Variants in TGFBR3 observed in about 807,000 individuals in gnomAD.
The protein encoded by TGFBR3 is transforming growth factor beta receptor 3.
TGFBR3 carries 46 observed loss-of-function variants against 87.9 expected under a neutral mutation model. The ratio of observed to expected loss-of-function variants is 0.52; its 90% CI spans 0.41 to 0.67. The LOEUF (loss-of-function observed/expected upper bound fraction) is 0.67, where lower values mean the gene tolerates loss of function less well. Ranked by LOEUF, TGFBR3 falls within the 30% of genes least tolerant of loss-of-function variation. The pLI, the probability that TGFBR3 is intolerant of heterozygous loss-of-function variation, is 0.00. For synonymous variants in TGFBR3, 381 were observed against 391.6 expected (o/e 0.97, Z 0.32); for missense variants, 866 against 1,041.9 (o/e 0.83, Z 2.32).
chr1:91,733,469 C>G (rs909581588), intron 5 of TGFBR3, among the ~76,000 whole-genome samples: 1 of 152,330 alleles, frequency 6.6e-6, no homozygotes. Flanking sequence ...CCGACGTCCA[C>G]GTCCACCTTT....
chr1:91,729,030 G>GCACA (rs1672650483), intron 6 of TGFBR3, among the ~76,000 whole-genome samples: 3 of 102,572 alleles, frequency 2.9e-5, no homozygotes, highest in Non-Finnish European at 3.9e-5. Context: ...GGCCACTCCA[G>GCACA]CATACACACA....
At chr1:91,783,821 A>T (rs565175391) in intron 3 of TGFBR3, among the ~76,000 whole-genome samples, 1 of 152,218 alleles carries the variant, frequency 6.6e-6, no homozygotes, top group Non-Finnish European at 1.5e-5. Context: ...ATCAAGTTAT[A>T]AGGTATTTAA....
chr1:91,795,689 G>T (rs1675356004), intron 3 of TGFBR3, among the ~76,000 whole-genome samples: 1 of 152,166 alleles, frequency 6.6e-6, no homozygotes, highest in Non-Finnish European at 1.5e-5. Flanking sequence ...AATTGCTGGA[G>T]TCAGCAACGC....
intron 14 of TGFBR3, among the ~76,000 whole-genome samples, chr1:91,704,888 G>A (rs1371864809): frequency 6.6e-6 from 1 of 152,230 alleles, no homozygotes; most frequent in African/African-American, 2.4e-5. Context: ...AAACACTAAA[G>A]TATGTCAATG....
At chr1:91,769,828 T>C (rs377737404) in intron 3 of TGFBR3, among the ~76,000 whole-genome samples, 2 of 152,090 alleles carry the variant, frequency 1.3e-5, no homozygotes, top group Non-Finnish European at 2.9e-5. Flanking sequence ...GGGAGTTTCA[T>C]GGAAGGCTAA....
upstream of TGFBR3, among the ~76,000 whole-genome samples, chr1:91,888,676 T>C (rs755927073): frequency 1.3e-5 from 2 of 152,132 alleles, no homozygotes; most frequent in Non-Finnish European, 2.9e-5. Flanking sequence ...CACTCTAGCC[T>C]GGACAAGAGC....
At chr1:91,817,320 A>G (rs879902819) in intron 2 of TGFBR3, among the ~76,000 whole-genome samples, 2 of 152,248 alleles carry the variant, frequency 1.3e-5, no homozygotes, top group Non-Finnish European at 2.9e-5. Flanking sequence ...AAATGTTAAT[A>G]TTACACATAT....
At chr1:91,756,805 T>C (rs1242615068) in intron 4 of TGFBR3, among the ~76,000 whole-genome samples, 1 of 152,206 alleles carries the variant, frequency 6.6e-6, no homozygotes, top group Non-Finnish European at 1.5e-5. Context: ...TATACCCTTT[T>C]AACTAGATTC....
chr1:91,683,010 T>C lies in TGFBR3; in HGVS notation c.*729A>G, dbSNP rs186509687. 3.6e-4 allele frequency: 163 copies of C among 454,534 alleles called. 2 individuals are homozygous for C. The highest frequency in any genetic ancestry group is 2.6e-3 in the African/African-American group (131 of 50,116). 28.2% of individuals were successfully genotyped at this position (454,534 alleles called of 1,614,324 possible). A position where few individuals can be genotyped will look rare whatever the true frequency, so the allele number is the denominator to read the frequency against. On this transcript the variant is annotated 3_prime_UTR_variant, in exon 17 of 17. Transcript: ENST00000212355. ...TCAATTTCTGTAGGCCTGTAAGAAATACAAAATTTGCATTAAGACATTTTG... is the reference window on the plus strand; with the variant it reads ...TCAATTTCTGTAGGCCTGTAAGAAACACAAAATTTGCATTAAGACATTTTG...
chr1:91,890,450 C>T (rs1175316663), upstream of TGFBR3, among the ~76,000 whole-genome samples: 5 of 94,478 alleles, frequency 5.3e-5, no homozygotes, highest in South Asian at 3.6e-4. Flanking sequence ...ACACAGTTTC[C>T]GTCTTGTTGC....
chr1:91,890,570 C>T (rs1679423887), upstream of TGFBR3, among the ~76,000 whole-genome samples: 1 of 151,742 alleles, frequency 6.6e-6, no homozygotes, highest in African/African-American at 2.4e-5. Context: ...AAGGCACACG[C>T]CACCACGCCC....
In TGFBR3 at chr1:91,818,277, C is replaced by CTTTTTTTTTTTTTTTTTTTTTT. The variant is rs1557726893; in HGVS notation, c.62-20807_62-20806insAAAAAAAAAAAAAAAAAAAAAA. 4.1e-5 allele frequency among the ~76,000 whole-genome samples: 5 copies of CTTTTTTTTTTTTTTTTTTTTTT among 123,142 alleles called. 2 individuals are homozygous for CTTTTTTTTTTTTTTTTTTTTTT. Among genetic ancestry groups the CTTTTTTTTTTTTTTTTTTTTTT allele is most frequent in the Admixed American group, 1.8e-4 (2 of 11,008 alleles). 80.8% of individuals were successfully genotyped at this position (123,142 alleles called of 152,430 possible). ...CTGCACCATTTCCCCTTAGCCCCAG[C>CTTTTTTTTTTTTTTTTTTTTTT]CTTTTTTTTTTTTTTTTTTTTTTTT... is the stretch of plus-strand genomic sequence containing the variant. On this transcript the variant is annotated intron_variant, in intron 2 of 16. Coordinates refer to ENST00000212355, the MANE Select transcript of TGFBR3 (RefSeq NM_003243.5).
chr1:91,838,616 A>G (rs2046738), intron 2 of TGFBR3, among the ~76,000 whole-genome samples: 113,199 of 150,318 alleles, frequency 0.75, 43,568 homozygotes, highest in East Asian at 0.96. Context: ...CCGTCATCAC[A>G]CCCGACTAAT....
At chr1:91,883,268 G>A (rs984409411) in intron 1 of TGFBR3, among the ~76,000 whole-genome samples, 1 of 152,046 alleles carries the variant, frequency 6.6e-6, no homozygotes, top group Non-Finnish European at 1.5e-5. Context: ...GCCTCCCAAA[G>A]TGTTGGAATT....
intron 15 of TGFBR3, 103 bp from the exon 16 acceptor site, chr1:91,695,882 T>A: frequency 1.0e-6 from 1 of 974,156 alleles, no homozygotes; most frequent in Non-Finnish European, 1.6e-6. Context: ...GGTTGAGCAC[T>A]AATAAAATCG....
chr1:91,795,165 G>T (rs559897842), intron 3 of TGFBR3, among the ~76,000 whole-genome samples: 1 of 152,284 alleles, frequency 6.6e-6, no homozygotes, highest in Non-Finnish European at 1.5e-5. Flanking sequence ...CCAAAAATCA[G>T]TTATCCCAAA....
In TGFBR3 at chr1:91,734,977, G is replaced by A; in HGVS notation, c.385-18C>T. On this transcript the variant is annotated intron_variant, in intron 4 of 16. Transcript: ENST00000212355. ...TCAGACACCTAGAGGAAAGAGAATT[G>A]CGTATTTAACATGGTGCAGTCACCG... 6.2e-7 allele frequency: 1 copy of A among 1,613,930 alleles called. No individual in the cohort carries two copies. The highest frequency in any genetic ancestry group is 8.5e-7 in the Non-Finnish European group (1 of 1,179,870).
intron 1 of TGFBR3, among the ~76,000 whole-genome samples, chr1:91,885,450 CGAGTCCGG>C (rs1679259986): frequency 1.3e-5 from 2 of 152,132 alleles, no homozygotes; most frequent in Admixed American, 6.5e-5. Context: ...CGTCCGTGCA[CGAGTCCGG>C]GAGCCACAGC....
rs773291941 is a variant in TGFBR3, at chr1:91,716,585, G to C, written c.1690C>G (p.Arg564Gly). Reference sequence around the variant, plus strand: ...ACACATACCACCACGATTTCAGGTCGGGTGAACAGGGAAGCATCTCCTTCA... The same window carrying C: ...ACACATACCACCACGATTTCAGGTCCGGTGAACAGGGAAGCATCTCCTTCA... ...MDEGDASLFT[R>G]PEIVVFNCSL... The change falls in exon 11 of 17, where the codon CGA becomes GGA. Residue 564 changes from arginine (R) to glycine (G), a missense_variant. Physicochemically the swap from Arg to Gly is moderately radical, Grantham distance 125. Transcript: ENST00000212355. The C allele has an allele frequency of 1.2e-6, 2 of 1,614,022 alleles. No individual in the cohort carries two copies. The highest frequency in any genetic ancestry group is 1.7e-6 in the Non-Finnish European group (2 of 1,180,022).
Sources: allele counts gnomAD v4.1 joint callset (sites outside exome capture counted in the v4.1 genomes callset), GRCh38; gene constraint gnomAD v4.1.1; transcripts MANE v1.5; gene names NCBI Gene and HGNC (gene_info 2026-07-23, HGNC 2026-07-21).